Variants in AREL1 observed in about 807,000 individuals in gnomAD.
AREL1 encodes the protein apoptosis resistant E3 ubiquitin protein ligase 1, also known as apoptosis-resistant E3 ubiquitin protein ligase 1.
Under a neutral mutation model 99.0 loss-of-function variants are expected in AREL1, and 62 were observed. That is an observed-to-expected ratio of 0.63 (90% CI 0.51 to 0.77). AREL1 has a LOEUF of 0.77. Among genes scored for constraint, AREL1 ranks in the 30% least tolerant of loss-of-function variants. The pLI, the probability that AREL1 is intolerant of heterozygous loss-of-function variation, is 0.00. For missense variants in AREL1, 879 were observed against 1,027.6 expected (o/e 0.86, Z 1.98); for synonymous variants, 380 against 376.5 (o/e 1.01, Z -0.11).
chr14:74,674,625 AT>A (rs1230711472), intron 8 of AREL1, among the ~76,000 whole-genome samples: 5 of 152,330 alleles, frequency 3.3e-5, no homozygotes, highest in Middle Eastern at 3.4e-3. Flanking sequence ...AATAAAAAAA[AT>A]ATGACTGACA....
At chr14:74,702,980 G>A (rs1401073027) in intron 1 of AREL1, among the ~76,000 whole-genome samples, 1 of 152,140 alleles carries the variant, frequency 6.6e-6, no homozygotes, top group Non-Finnish European at 1.5e-5. Context: ...CAAGTCTCCA[G>A]GAAGTTTCAA....
At position 74,712,951 on chromosome 14, in the gene AREL1, C is replaced by G; in HGVS notation, c.-352G>C. 1.4e-6 allele frequency: 1 copy of G among 699,154 alleles called. No homozygotes were observed. Among genetic ancestry groups the G allele is most frequent in the Non-Finnish European group, 2.6e-6 (1 of 385,184 alleles). The allele number at this position is 699,154 out of a possible 1,614,324, so 43.3% of individuals were successfully genotyped here. On this transcript the variant is annotated 5_prime_UTR_variant, in exon 1 of 20. Transcript: ENST00000356357. ...ACGTTACCCGAGCCGGGGGTTGCAG[C>G]GCGACGAAGTTCCACCTCCGCTGTC...
chr14:74,698,449 A>G (rs2090015677), intron 1 of AREL1, among the ~76,000 whole-genome samples: 1 of 152,208 alleles, frequency 6.6e-6, no homozygotes, highest in Non-Finnish European at 1.5e-5. Flanking sequence ...TTCACAGACT[A>G]CCAACATCTA....
rs532826040 is a variant in AREL1, at chr14:74,673,409, GT to G, written c.1159-192del. 4.6e-5 allele frequency among the ~76,000 whole-genome samples: 7 copies of G among 152,184 alleles called. No individual in the cohort carries two copies. The East Asian group carries it at 1.4e-3, about 29-fold the overall frequency. On this transcript the variant is annotated intron_variant, in intron 9 of 19. Transcript: ENST00000356357. Reference sequence around the variant, plus strand: ...CATTTCAACATTTAAAATTATTTTAGTCACAGAGACTGCCTTTAGTTAGGAC... The same window carrying G: ...CATTTCAACATTTAAAATTATTTTAGCACAGAGACTGCCTTTAGTTAGGAC...
chr14:74,661,332 C>T lies in AREL1; in HGVS notation c.*2388G>A. 2.2e-6 allele frequency: 1 copy of T among 456,354 alleles called. No individual in the cohort carries two copies. The highest frequency in any genetic ancestry group is 1.5e-5 in the South Asian group (1 of 64,538). The allele number at this position is 456,354 out of a possible 1,614,324, so 28.3% of individuals were successfully genotyped here. On this transcript the variant is annotated 3_prime_UTR_variant, in exon 20 of 20. Transcript: ENST00000356357. ...GCAACTGCCTGGCCCTTTCACCTGG[C>T]CTGACGAATCTGCAGCAGGGCTTGG...
At chr14:74,679,908 G>A (rs2089590439) in intron 5 of AREL1, among the ~76,000 whole-genome samples, 3 of 151,994 alleles carry the variant, frequency 2.0e-5, no homozygotes, top group Non-Finnish European at 4.4e-5. Context: ...CAGGTGTGGT[G>A]GCTCACGCCT....
In AREL1 at chr14:74,684,518, C is replaced by G; in HGVS notation, c.179G>C (p.Cys60Ser). The stretch of plus-strand genomic sequence containing the variant: ...GTCCTTCCAATCCCAGGAGACTTTG[C>G]AAGACCGGGGATCCAGGTAATTTCC... The part of the protein sequence containing the change: ...VRGNYLDPRS[C>S]KVSWDWKDPY... Residue 60 changes from cysteine to serine, a missense_variant, in exon 4 of 20, where the codon TGC (cysteine) becomes TCC (serine). Physicochemically the swap from Cys to Ser is moderately radical, Grantham distance 112 (BLOSUM62 -1). Transcript: ENST00000356357. 1 of 1,614,144 alleles carries G rather than the reference C, an allele frequency of 6.2e-7. No homozygotes were observed. The highest frequency in any genetic ancestry group is 1.1e-5 in the South Asian group (1 of 91,076).
At chr14:74,666,430 T>G (rs1000502392) in intron 17 of AREL1, among the ~76,000 whole-genome samples, 3 of 152,234 alleles carry the variant, frequency 2.0e-5, no homozygotes, top group African/African-American at 7.2e-5. Context: ...CATTTTTTAG[T>G]TGTTACAGGA....
intron 1 of AREL1, among the ~76,000 whole-genome samples, chr14:74,708,757 T>C (rs2090229673): frequency 6.6e-6 from 1 of 152,200 alleles, no homozygotes; most frequent in Non-Finnish European, 1.5e-5. Flanking sequence ...CTATTCAAGA[T>C]AACAAAAACT....
intron 1 of AREL1, among the ~76,000 whole-genome samples, chr14:74,695,942 G>A (rs371425828): frequency 6.6e-6 from 1 of 152,228 alleles, no homozygotes; most frequent in South Asian, 2.1e-4. Flanking sequence ...CACAGGTAAT[G>A]CTGATGCTGC....
chr14:74,667,331 C>G lies in AREL1; in HGVS notation c.2091G>C (p.Glu697Asp). ...VPENLLAIFDENELELLMCGT... is the reference protein window; with the variant it reads ...VPENLLAIFDDNELELLMCGT... ...TGCAATCACTTACCTCAAGCTCATTCTCATCAAAAATAGCCAAAAGGTTCT... is the reference window on the plus strand; with the variant it reads ...TGCAATCACTTACCTCAAGCTCATTGTCATCAAAAATAGCCAAAAGGTTCT... The change falls in exon 17 of 20, where the codon GAG becomes GAC. Residue 697 changes from glutamate (E) to aspartate (D), a missense_variant. By Grantham distance (45) the Glu-to-Asp change is conservative. Transcript: ENST00000356357. The G allele has an allele frequency of 6.2e-7, 1 of 1,614,080 alleles. No individual in the cohort carries two copies. Among genetic ancestry groups the G allele is most frequent in the Non-Finnish European group, 8.5e-7 (1 of 1,179,994 alleles).
chr14:74,667,185 G>C, intron 17 of AREL1, 134 bp downstream of exon 17: 2 of 960,506 alleles, frequency 2.1e-6, no homozygotes, highest in Non-Finnish European at 3.2e-6. Flanking sequence ...GAATGGAGGA[G>C]CGACAAAAGT....
intron 1 of AREL1, among the ~76,000 whole-genome samples, chr14:74,702,516 T>C (rs555225033): frequency 9.2e-5 from 14 of 152,330 alleles, no homozygotes; most frequent in Non-Finnish European, 1.9e-4. Context: ...AGGGGGGACC[T>C]GGGCCCTGCC....
At position 74,673,120 on chromosome 14, in the gene AREL1, G is replaced by A; in HGVS notation, c.1257C>T (p.Asn419=). ...AGCGGATAAAAGTGGCTGCTAGAAT[G>A]TTCCTCTCCTTACAGCTGAGCTCCA... The part of the protein sequence containing the change: ...PPVELSCKER[N]ILAATFIRSL... Residue 419 remains asparagine (N), a synonymous_variant, in exon 10 of 20, where the codon AAC becomes AAT. Coordinates refer to ENST00000356357, the MANE Select transcript of AREL1 (RefSeq NM_001039479.2). 5.6e-6 allele frequency: 9 copies of A among 1,614,156 alleles called. No homozygotes were observed. The highest frequency in any genetic ancestry group is 7.6e-6 in the Non-Finnish European group (9 of 1,180,030).
At chr14:74,682,000 G>C (rs774093748) in intron 5 of AREL1, among the ~76,000 whole-genome samples, 2 of 152,128 alleles carry the variant, frequency 1.3e-5, no homozygotes, top group African/African-American at 2.4e-5. Flanking sequence ...AAATGCATAT[G>C]AATATACAAT....
rs1296051350 is a variant in AREL1 at position 74,671,491 on chromosome 14, G to T, written c.1423-8C>A. On this transcript the variant is annotated splice_region_variant and splice_polypyrimidine_tract_variant and intron_variant, in intron 11 of 19. Coordinates refer to ENST00000356357, the MANE Select transcript of AREL1 (RefSeq NM_001039479.2). Reference sequence around the variant, plus strand: ...CCGAGTGGCTTTCAGAGACTGAAAAGAAGTGAAAGGAAGGGAATTGTCAGA... The same window carrying T: ...CCGAGTGGCTTTCAGAGACTGAAAATAAGTGAAAGGAAGGGAATTGTCAGA... 3 of 1,575,640 alleles carry T rather than the reference G, an allele frequency of 1.9e-6. No homozygotes were observed. Among genetic ancestry groups the T allele is most frequent in the Non-Finnish European group, 2.6e-6 (3 of 1,157,256 alleles).
At chr14:74,685,513 C>T in intron 3 of AREL1, 87 bp downstream of exon 3, 3 of 1,479,568 alleles carry the variant, frequency 2.0e-6, no homozygotes, top group Non-Finnish European at 2.8e-6. Flanking sequence ...GCTCCATTTT[C>T]AAAGGGAAAA....
rs2089132877 is a variant in AREL1, at chr14:74,663,512, C to T, written c.*208G>A. 2 of 594,742 alleles carry T rather than the reference C, an allele frequency of 3.4e-6. No homozygotes were observed. The highest frequency in any genetic ancestry group is 3.7e-5 in the South Asian group (2 of 54,336). 36.8% of individuals were successfully genotyped at this position (594,742 alleles called of 1,614,324 possible). On this transcript the variant is annotated 3_prime_UTR_variant, in exon 20 of 20. Transcript: ENST00000356357. ...AGAATGAAGAGCTCAGCTTACATAC[C>T]ATGCCAAAGTGGCCTGTGGTAGATA...
At chr14:74,700,843 G>GCAA (rs1181184718) in intron 1 of AREL1, among the ~76,000 whole-genome samples, 3 of 152,120 alleles carry the variant, frequency 2.0e-5, no homozygotes, top group South Asian at 2.1e-4. Context: ...TAGACTTTAA[G>GCAA]CAACAACAAC....
Sources: gnomAD v4.1 joint callset for allele counts (sites outside exome capture counted in the v4.1 genomes callset) on GRCh38, gnomAD v4.1.1 for gene constraint, MANE v1.5 for transcripts, NCBI Gene and HGNC (gene_info 2026-07-23, HGNC 2026-07-21) for gene names.